The following DGCR2 variants were observed in gnomAD, a reference collection of about 807,000 sequenced individuals.
DGCR2 encodes the protein integral membrane protein DGCR2/IDD.
DGCR2 carries 24 observed loss-of-function variants against 51.6 expected under a neutral mutation model. The observed-to-expected ratio is 0.47, with a 90% CI of 0.34 to 0.65. The LOEUF (loss-of-function observed/expected upper bound fraction) is 0.65, where lower values mean the gene tolerates loss of function less well. Ranked by LOEUF, DGCR2 falls within the 30% of genes least tolerant of loss-of-function variation. The pLI, the probability that DGCR2 is intolerant of heterozygous loss-of-function variation, is 0.01. For synonymous variants in DGCR2, 340 were observed against 315.4 expected, an observed-to-expected ratio of 1.08 and a Z score of -0.82; for missense variants, 765 against 772.1, an observed-to-expected ratio of 0.99 and a Z score of 0.11.
At chr22:19,087,362 T>C (rs1227976244) in intron 2 of DGCR2, among the ~76,000 whole-genome samples, 2 of 152,264 alleles carry the variant, frequency 1.3e-5, no homozygotes, top group East Asian at 1.9e-4. Context: ...GCTCCAGAGA[T>C]GATCAGGAGG....
At chr22:19,048,396 C>T in intron 7 of DGCR2, 44 bp downstream of exon 7, 1 of 1,607,052 alleles carries the variant, frequency 6.2e-7, no homozygotes, top group Admixed American at 1.7e-5. Context: ...GCCTCCAGCC[C>T]CAAATAGGGA....
chr22:19,093,010 G>A (rs2083096940), intron 1 of DGCR2, among the ~76,000 whole-genome samples: 1 of 151,902 alleles, frequency 6.6e-6, no homozygotes, highest in Non-Finnish European at 1.5e-5. Flanking sequence ...AGGAGGAGGA[G>A]GAGGAAGAAA....
At chr22:19,093,361 GAAAAAAA>G (rs35223547) in intron 1 of DGCR2, among the ~76,000 whole-genome samples, 1 of 120,494 alleles carries the variant, frequency 8.3e-6, no homozygotes, top group Non-Finnish European at 1.8e-5. Flanking sequence ...ACTCCACCTC[GAAAAAAA>G]AAAAAAAAAA....
rs2082511751 is a variant in DGCR2, at chr22:19,048,276, T to G, written c.1006+164A>C. ...GTGTCAGACACGCCCACTAGAGTAG[T>G]GGCATCAAAGTCTCTGAGACATCTC... On this transcript the variant is annotated intron_variant, in intron 7 of 9. Transcript: ENST00000263196. 4.2e-6 allele frequency: 3 copies of G among 713,914 alleles called. 1 individual carries two copies. In the Admixed American group the frequency reaches 7.6e-5, roughly 18 times the overall value. 44.2% of individuals were successfully genotyped at this position (713,914 alleles called of 1,614,324 possible).
At chr22:19,054,741 TA>T (rs56262911) in intron 6 of DGCR2, among the ~76,000 whole-genome samples, 443 of 139,684 alleles carry the variant, frequency 3.2e-3, no homozygotes, top group African/African-American at 6.0e-3. Flanking sequence ...TGCCCCACCT[TA>T]AAAAAAAAAA....
chr22:19,106,424 G>C (rs1368234877), intron 1 of DGCR2, among the ~76,000 whole-genome samples: 3 of 152,110 alleles, frequency 2.0e-5, no homozygotes, highest in Non-Finnish European at 4.4e-5. Context: ...TCAGCAGCAG[G>C]GGGCAGTGAA....
chr22:19,054,268 T>C (rs1476866811), intron 6 of DGCR2, among the ~76,000 whole-genome samples: 1 of 152,202 alleles, frequency 6.6e-6, no homozygotes, highest in Non-Finnish European at 1.5e-5. Context: ...TATCTTCAGT[T>C]TACTCCCAAA....
At chr22:19,102,372 GT>G (rs2083211517) in intron 1 of DGCR2, among the ~76,000 whole-genome samples, 1 of 152,154 alleles carries the variant, frequency 6.6e-6, no homozygotes, top group Non-Finnish European at 1.5e-5. Flanking sequence ...CATTCTGCAT[GT>G]TCTTAGCACT....
chr22:19,042,678 G>A (rs571968872), intron 7 of DGCR2, among the ~76,000 whole-genome samples: 1 of 152,342 alleles, frequency 6.6e-6, no homozygotes, highest in Admixed American at 6.5e-5. Context: ...AGAAGGGAAT[G>A]ACAGAGGCCT....
intron 2 of DGCR2, among the ~76,000 whole-genome samples, chr22:19,082,887 G>C (rs772337370): frequency 2.0e-4 from 30 of 152,194 alleles, no homozygotes; most frequent in Admixed American, 3.9e-4. Flanking sequence ...TCGTGAGTTA[G>C]AGACCAGCCT....
chr22:19,076,528 T>C (rs2082878273), intron 2 of DGCR2, among the ~76,000 whole-genome samples: 2 of 152,102 alleles, frequency 1.3e-5, no homozygotes, highest in South Asian at 2.1e-4. Context: ...CCAGTTCCCA[T>C]TCCTAACAAC....
intron 2 of DGCR2, among the ~76,000 whole-genome samples, chr22:19,089,131 C>T (rs1373228674): frequency 6.6e-6 from 1 of 152,204 alleles, no homozygotes; most frequent in Admixed American, 6.5e-5. Flanking sequence ...GTGGAGCCTC[C>T]TGGGCATCTC....
intron 7 of DGCR2, chr22:19,048,136 G>A (rs962947116): frequency 1.2e-4 from 55 of 454,566 alleles, no homozygotes; most frequent in Non-Finnish European, 2.1e-4. Flanking sequence ...TAAGTTTGAA[G>A]ACAAGTTTGA....
intron 2 of DGCR2, among the ~76,000 whole-genome samples, chr22:19,081,382 T>C (rs2082934934): frequency 6.6e-6 from 1 of 152,248 alleles, no homozygotes; most frequent in South Asian, 2.1e-4. Flanking sequence ...AACGATCTGT[T>C]TTGCTTCTCT....
chr22:19,057,166 T>C lies in DGCR2; in HGVS notation c.626-4A>G, dbSNP rs1418396591. On this transcript the variant is annotated splice_region_variant and splice_polypyrimidine_tract_variant and intron_variant, in intron 5 of 9. Coordinates refer to ENST00000263196, the MANE Select transcript of DGCR2 (RefSeq NM_005137.3). This position sits in a 1 kb window ranked among gnomAD's most constrained non-coding sequence, Gnocchi z 5.1. The stretch of plus-strand genomic sequence containing the variant: ...GGCAGGAACACCTCTGAAGAGCCTG[T>C]TGGGGAGACAAAAGGTGGGGCTGGA... The C allele has an allele frequency of 4.4e-6, 7 of 1,598,372 alleles. No homozygotes were observed. The African/African-American group carries it at 5.4e-5, about 12-fold the overall frequency.
At chr22:19,098,897 G>A (rs2083170242) in intron 1 of DGCR2, among the ~76,000 whole-genome samples, 2 of 152,000 alleles carry the variant, frequency 1.3e-5, no homozygotes, top group Admixed American at 6.6e-5. Flanking sequence ...TCTGGCTGAG[G>A]GACACATCTT....
intron 7 of DGCR2, among the ~76,000 whole-genome samples, chr22:19,042,848 G>T (rs2082448415): frequency 6.6e-6 from 1 of 152,176 alleles, no homozygotes; most frequent in Non-Finnish European, 1.5e-5. Context: ...CTCTGCTGTG[G>T]TTGGGCGTGA....
intron 2 of DGCR2, among the ~76,000 whole-genome samples, chr22:19,084,144 C>T (rs1416939063): frequency 2.6e-5 from 4 of 152,174 alleles, no homozygotes; most frequent in Non-Finnish European, 5.9e-5. Flanking sequence ...GCCACCACCC[C>T]GTCTGGGAAG....
chr22:19,082,222 C>CTTTTTTTTTTT (rs56725898), intron 2 of DGCR2, among the ~76,000 whole-genome samples: 5 of 88,064 alleles, frequency 5.7e-5, no homozygotes, highest in African/African-American at 1.4e-4. Flanking sequence ...CTAATTATTT[C>CTTTTTTTTTTT]TTTTTTTTTT....
Sources: allele counts gnomAD v4.1 joint callset (sites outside exome capture counted in the v4.1 genomes callset), GRCh38; gene constraint gnomAD v4.1.1; non-coding constraint Gnocchi (gnomAD v3.1); transcripts MANE v1.5; gene names NCBI Gene and HGNC (gene_info 2026-07-23, HGNC 2026-07-21).